The following ZMYND8 variants were observed in gnomAD, a reference collection of about 807,000 sequenced individuals.
The protein encoded by ZMYND8 is MYND-type zinc finger-containing chromatin reader ZMYND8.
A neutral mutation model predicts 140.8 loss-of-function variants in ZMYND8; 37 were observed. That is an observed-to-expected ratio of 0.26 (90% CI 0.20 to 0.35). The LOEUF (loss-of-function observed/expected upper bound fraction) is 0.35, where lower values mean the gene tolerates loss of function less well. ZMYND8 is among the 10% of genes least tolerant of loss of function. The pLI, the probability that ZMYND8 is intolerant of heterozygous loss-of-function variation, is 1.00. For synonymous variants in ZMYND8, 592 were observed against 597.1 expected (o/e 0.99, Z 0.12); for missense variants, 1,068 against 1,570.0 (o/e 0.68, Z 5.40).
chr20:47,270,604 T>C (rs1422586178), intron 11 of ZMYND8, among the ~76,000 whole-genome samples: 2 of 144,472 alleles, frequency 1.4e-5, no homozygotes, highest in African/African-American at 5.2e-5. Context: ...TATGTGCCTG[T>C]AGCCCCAGCT....
At chr20:47,242,380 C>G (rs182194083) in intron 14 of ZMYND8, among the ~76,000 whole-genome samples, 1 of 152,176 alleles carries the variant, frequency 6.6e-6, no homozygotes, top group Non-Finnish European at 1.5e-5. Context: ...CAGTGAAGAA[C>G]TCCGATGCTT....
chr20:47,351,196 C>A (rs1444497650), intron 1 of ZMYND8, among the ~76,000 whole-genome samples: 8 of 152,156 alleles, frequency 5.3e-5, no homozygotes, highest in Non-Finnish European at 1.0e-4. Context: ...TACTGCACCT[C>A]CAGGATGCTT....
intron 3 of ZMYND8, among the ~76,000 whole-genome samples, chr20:47,309,043 C>A (rs988030673): frequency 3.3e-5 from 5 of 152,190 alleles, no homozygotes; most frequent in Non-Finnish European, 7.3e-5. Flanking sequence ...GGGATAGATA[C>A]AATCCACCAG....
At chr20:47,282,951 C>G (rs1344842572) in intron 9 of ZMYND8, among the ~76,000 whole-genome samples, 1 of 152,054 alleles carries the variant, frequency 6.6e-6, no homozygotes, top group Non-Finnish European at 1.5e-5. Flanking sequence ...CTTAGCTATT[C>G]CGGTGTTAAT....
At chr20:47,264,506 G>A (rs1226479073) in intron 11 of ZMYND8, among the ~76,000 whole-genome samples, 2 of 152,062 alleles carry the variant, frequency 1.3e-5, no homozygotes, top group Non-Finnish European at 2.9e-5. Context: ...GGAACTCCTG[G>A]CCTCAAGGGA....
intron 2 of ZMYND8, among the ~76,000 whole-genome samples, chr20:47,310,832 T>C (rs1039427213): frequency 6.9e-6 from 1 of 145,736 alleles, no homozygotes; most frequent in African/African-American, 2.5e-5. Flanking sequence ...CAGGCCCCTA[T>C]AGCACCAGAT....
chr20:47,294,657 T>C lies in ZMYND8; in HGVS notation c.567+9A>G. ...TTTACGCGTATACCAAGAGGAACTT[T>C]CTTCTTACCCCTGGCTGTTTCATTT... On this transcript the variant is annotated intron_variant, in intron 5 of 22. Transcript: ENST00000471951. 2 of 1,612,838 alleles carry C rather than the reference T, an allele frequency of 1.2e-6. No individual in the cohort carries two copies. Among genetic ancestry groups the C allele is most frequent in the African/African-American group, 2.7e-5 (2 of 75,022 alleles).
chr20:47,332,105 G>A (rs1197907811), intron 2 of ZMYND8, among the ~76,000 whole-genome samples: 1 of 152,194 alleles, frequency 6.6e-6, no homozygotes, highest in South Asian at 2.1e-4. Context: ...GAGGTCAGGA[G>A]TTCAAGACCA....
At chr20:47,340,262 C>T (rs2081739460) in intron 2 of ZMYND8, among the ~76,000 whole-genome samples, 1 of 151,928 alleles carries the variant, frequency 6.6e-6, no homozygotes, top group South Asian at 2.1e-4. Flanking sequence ...TGTTTTAAAT[C>T]TCAATGACAC....
chr20:47,238,700 T>C, intron 15 of ZMYND8, 58 bp downstream of exon 15: 1 of 1,556,672 alleles, frequency 6.4e-7, no homozygotes, highest in Non-Finnish European at 8.7e-7. Context: ...GACTTTCTCC[T>C]GTCGATGTGG....
At chr20:47,248,744 G>C (rs1230476653) in intron 13 of ZMYND8, among the ~76,000 whole-genome samples, 1 of 152,206 alleles carries the variant, frequency 6.6e-6, no homozygotes, top group Non-Finnish European at 1.5e-5. Flanking sequence ...CAGATGGGGA[G>C]GGCAGTCAGG....
At chr20:47,285,637 A>T in intron 8 of ZMYND8, 1 of 960,184 alleles carries the variant, frequency 1.0e-6, no homozygotes, top group Non-Finnish European at 1.2e-6. Flanking sequence ...GCCTCATAGT[A>T]GTTTTATTCC....
intron 10 of ZMYND8, among the ~76,000 whole-genome samples, chr20:47,280,066 T>C (rs913515969): frequency 1.4e-5 from 2 of 145,766 alleles, no homozygotes; most frequent in Admixed American, 1.4e-4. Context: ...AAGGCTGCAA[T>C]GAGCCGAGAG....
intron 14 of ZMYND8, among the ~76,000 whole-genome samples, chr20:47,244,283 A>T (rs184004211): frequency 8.7e-4 from 132 of 152,262 alleles, no homozygotes; most frequent in African/African-American, 3.0e-3. Context: ...CCCTTAAGTC[A>T]CTCGCCACAT....
At chr20:47,351,314 T>C (rs574532370) in intron 1 of ZMYND8, among the ~76,000 whole-genome samples, 7 of 152,270 alleles carry the variant, frequency 4.6e-5, no homozygotes, top group African/African-American at 1.7e-4. Flanking sequence ...CATCTAGTTT[T>C]GACAGAAAAA....
At chr20:47,230,166 C>T (rs773072001) in intron 16 of ZMYND8, among the ~76,000 whole-genome samples, 4 of 152,164 alleles carry the variant, frequency 2.6e-5, no homozygotes, top group Non-Finnish European at 5.9e-5. Flanking sequence ...TTTCATGGAT[C>T]GCATTGTGGT....
chr20:47,256,310 T>C (rs2074712307), intron 12 of ZMYND8, among the ~76,000 whole-genome samples: 1 of 150,286 alleles, frequency 6.7e-6, no homozygotes, highest in South Asian at 2.1e-4. Flanking sequence ...CGAGACCCTG[T>C]CTCTATATTA....
intron 13 of ZMYND8, 36 bp downstream of exon 13, chr20:47,249,251 T>G: frequency 6.2e-7 from 1 of 1,603,642 alleles, no homozygotes; most frequent in Non-Finnish European, 8.5e-7. Context: ...ATAACAATGA[T>G]ACTGCTGGAA....
At chr20:47,299,382 T>C (rs1333104088) in intron 3 of ZMYND8, among the ~76,000 whole-genome samples, 2 of 152,200 alleles carry the variant, frequency 1.3e-5, no homozygotes, top group Admixed American at 1.3e-4. Flanking sequence ...TGGGGTGATA[T>C]AATGTATGCC....
Sources: allele counts gnomAD v4.1 joint callset (sites outside exome capture counted in the v4.1 genomes callset), GRCh38; gene constraint gnomAD v4.1.1; transcripts MANE v1.5; gene names NCBI Gene and HGNC (gene_info 2026-07-23, HGNC 2026-07-21).